The following KANSL1L variants were observed in gnomAD, a reference collection of about 807,000 sequenced individuals.
The protein encoded by KANSL1L is KAT8 regulatory NSL complex subunit 1-like protein.
A neutral mutation model predicts 108.6 loss-of-function variants in KANSL1L; 25 were observed. The observed-to-expected ratio is 0.23, with a 90% CI of 0.17 to 0.32. The LOEUF (loss-of-function observed/expected upper bound fraction) is 0.32. Among genes scored for constraint, KANSL1L ranks in the 10% least tolerant of loss-of-function variants. KANSL1L has a pLI of 1.00. For synonymous variants in KANSL1L, 405 were observed against 395.1 expected (o/e 1.03, Z -0.30); for missense variants, 1,137 against 1,125.7 (o/e 1.01, Z -0.14).
intron 6 of KANSL1L, among the ~76,000 whole-genome samples, chr2:210,072,405 A>G (rs2094513888): frequency 6.6e-6 from 1 of 152,224 alleles, no homozygotes; most frequent in African/African-American, 2.4e-5. Flanking sequence ...TTGTTTCTGT[A>G]TATATAGTTA....
At chr2:210,117,251 A>T (rs936850344) in intron 3 of KANSL1L, among the ~76,000 whole-genome samples, 2 of 152,200 alleles carry the variant, frequency 1.3e-5, no homozygotes, top group African/African-American at 4.8e-5. Context: ...ACCAGATCAA[A>T]AAAATAGCCT....
At chr2:210,033,125 G>C (rs1168434005) in intron 8 of KANSL1L, among the ~76,000 whole-genome samples, 2 of 152,154 alleles carry the variant, frequency 1.3e-5, no homozygotes, top group Admixed American at 6.5e-5. Flanking sequence ...GATGAGACTA[G>C]AAAGAGTGAA....
At chr2:210,042,180 C>A (rs1404517342) in intron 7 of KANSL1L, among the ~76,000 whole-genome samples, 1 of 152,124 alleles carries the variant, frequency 6.6e-6, no homozygotes, top group Non-Finnish European at 1.5e-5. Flanking sequence ...CCGCACGTGA[C>A]CTGTCAGCTT....
intron 1 of KANSL1L, among the ~76,000 whole-genome samples, chr2:210,165,953 T>C (rs1160784799): frequency 6.6e-6 from 1 of 152,192 alleles, no homozygotes; most frequent in Non-Finnish European, 1.5e-5. Context: ...GTTCTACTAC[T>C]GTTGTTGCTA....
intron 5 of KANSL1L, among the ~76,000 whole-genome samples, chr2:210,081,210 A>G (rs894013604): frequency 1.3e-5 from 2 of 152,110 alleles, no homozygotes; most frequent in African/African-American, 2.4e-5. Context: ...TGACCCAAAT[A>G]AAGTCTCTAT....
chr2:210,112,375 C>A (rs1168663341), intron 3 of KANSL1L, among the ~76,000 whole-genome samples: 1 of 151,962 alleles, frequency 6.6e-6, no homozygotes, highest in Admixed American at 6.6e-5. Context: ...AAGACAGTAC[C>A]CAGAAAAGAA....
intron 6 of KANSL1L, among the ~76,000 whole-genome samples, chr2:210,062,840 C>A (rs1314276118): frequency 1.3e-5 from 2 of 152,118 alleles, no homozygotes; most frequent in Non-Finnish European, 2.9e-5. Context: ...AATTTGGAAA[C>A]GTTGCAGCCT....
intron 5 of KANSL1L, chr2:210,097,119 A>G (rs1245149067): frequency 6.1e-6 from 2 of 329,570 alleles, no homozygotes; most frequent in Non-Finnish European, 8.7e-6. Context: ...AATTTTTTGT[A>G]TTTTTAGTAG....
intron 6 of KANSL1L, among the ~76,000 whole-genome samples, chr2:210,064,850 A>C (rs1339332345): frequency 6.6e-6 from 1 of 151,928 alleles, no homozygotes; most frequent in East Asian, 1.9e-4. Flanking sequence ...ACAGGAAAAA[A>C]AATTAGTGTA....
intron 13 of KANSL1L, 123 bp from the exon 14 acceptor site, chr2:210,024,324 A>AT: frequency 1.7e-6 from 1 of 584,816 alleles, no homozygotes; most frequent in Non-Finnish European, 2.8e-6. Context: ...TTGCCCAAAG[A>AT]TTTTTAAAAA....
intron 13 of KANSL1L, among the ~76,000 whole-genome samples, chr2:210,024,772 T>C (rs1035945572): frequency 1.3e-5 from 2 of 152,138 alleles, no homozygotes; most frequent in Non-Finnish European, 2.9e-5. Flanking sequence ...TTACCTAAAC[T>C]CCAGTCCCCA....
At chr2:210,064,901 T>A (rs1450834088) in intron 6 of KANSL1L, among the ~76,000 whole-genome samples, 1 of 151,418 alleles carries the variant, frequency 6.6e-6, no homozygotes, top group African/African-American at 2.4e-5. Context: ...AGGAGTACAT[T>A]ACGAACTCAT....
At chr2:210,159,483 C>G (rs1308283357) in intron 1 of KANSL1L, among the ~76,000 whole-genome samples, 1 of 152,084 alleles carries the variant, frequency 6.6e-6, no homozygotes, top group East Asian at 1.9e-4. Flanking sequence ...ATATTACATT[C>G]TAGGAAAGAA....
intron 2 of KANSL1L, among the ~76,000 whole-genome samples, chr2:210,133,686 G>GC (rs2095147562): frequency 6.6e-6 from 1 of 152,012 alleles, no homozygotes; most frequent in African/African-American, 2.4e-5. Context: ...AACATGTATA[G>GC]CCATACAGCA....
intron 1 of KANSL1L, among the ~76,000 whole-genome samples, chr2:210,160,396 T>TAAAGTAAGTAAA (rs2095355683): frequency 6.6e-6 from 1 of 152,114 alleles, no homozygotes; most frequent in African/African-American, 2.4e-5. Context: ...TAAGTAAAAC[T>TAAAGTAAGTAAA]GTCTCTATTC....
chr2:210,095,671 A>G lies in KANSL1L; in HGVS notation c.1550+2415T>C, dbSNP rs935397450. ...AGTATCCCCCAAAATCGTTTGTTTTACATGGTAGTTTGCTGGTTATCTGGT... is the reference window on the plus strand; with the variant it reads ...AGTATCCCCCAAAATCGTTTGTTTTGCATGGTAGTTTGCTGGTTATCTGGT... On this transcript the variant is annotated intron_variant, in intron 5 of 14. Transcript: ENST00000281772. 3.3e-5 allele frequency among the ~76,000 whole-genome samples: 5 copies of G among 152,140 alleles called. No homozygotes were observed. The East Asian group carries it at 7.7e-4, about 23-fold the overall frequency.
At chr2:210,127,618 G>A (rs1418079130) in intron 3 of KANSL1L, among the ~76,000 whole-genome samples, 1 of 151,548 alleles carries the variant, frequency 6.6e-6, no homozygotes, top group Non-Finnish European at 1.5e-5. Flanking sequence ...GGGCAATAGA[G>A]GGAGATCCCA....
intron 6 of KANSL1L, among the ~76,000 whole-genome samples, chr2:210,053,680 TATA>T (rs1484489115): frequency 6.6e-6 from 1 of 151,702 alleles, no homozygotes; most frequent in Non-Finnish European, 1.5e-5. Flanking sequence ...ACCCAAAAAG[TATA>T]ATGAAAAGGT....
At chr2:210,062,783 C>G (rs1424543128) in intron 6 of KANSL1L, among the ~76,000 whole-genome samples, 1 of 152,126 alleles carries the variant, frequency 6.6e-6, no homozygotes, top group South Asian at 2.1e-4. Flanking sequence ...CAAGAGGTGA[C>G]TTGGGTGCTG....
Sources: allele counts gnomAD v4.1 joint callset (sites outside exome capture counted in the v4.1 genomes callset), GRCh38; gene constraint gnomAD v4.1.1; transcripts MANE v1.5; gene names NCBI Gene and HGNC (gene_info 2026-07-23, HGNC 2026-07-21).